SOX5: variants seen among roughly 807,000 people sequenced by gnomAD.
SOX5 encodes the protein transcription factor SOX-5.
Under a neutral mutation model 92.0 loss-of-function variants are expected in SOX5, and 9 were observed. The ratio of observed to expected loss-of-function variants is 0.10; its 90% CI spans 0.06 to 0.17. The LOEUF is 0.17. SOX5 is among the 10% of genes least tolerant of loss of function. The probability of loss-of-function intolerance (pLI) is 1.00; values close to 1 mark genes in which losing one functional copy is unlikely to be tolerated. For missense variants in SOX5, 642 were observed against 944.5 expected (o/e 0.68, Z 4.20); for synonymous variants, 344 against 336.3 (o/e 1.02, Z -0.25).
chr12:24,459,015 T>G (rs1943330400), intron 1 of SOX5, among the ~76,000 whole-genome samples: 3 of 152,106 alleles, frequency 2.0e-5, no homozygotes, highest in South Asian at 4.2e-4. Context: ...TGGTATCAAT[T>G]CTCAAAGGAC....
intron 2 of SOX5, among the ~76,000 whole-genome samples, chr12:24,322,600 T>C (rs1417067744): frequency 6.6e-6 from 1 of 152,146 alleles, no homozygotes; most frequent in Non-Finnish European, 1.5e-5. Flanking sequence ...GTTATGTTGG[T>C]GTCTCAGTGA....
chr12:23,816,553 C>G (rs1489477428), intron 3 of SOX5, among the ~76,000 whole-genome samples: 1 of 151,988 alleles, frequency 6.6e-6, no homozygotes, highest in Non-Finnish European at 1.5e-5. Flanking sequence ...CAGAAAATTC[C>G]TGGTAGAGGG....
intron 4 of SOX5, among the ~76,000 whole-genome samples, chr12:24,058,441 C>T (rs575678831): frequency 6.6e-6 from 1 of 152,154 alleles, no homozygotes; most frequent in African/African-American, 2.4e-5. Flanking sequence ...TCAATACATC[C>T]CCTCGTAGGT....
chr12:23,929,821 T>G (rs781382282), intron 1 of SOX5, among the ~76,000 whole-genome samples: 2 of 151,992 alleles, frequency 1.3e-5, no homozygotes, highest in Non-Finnish European at 2.9e-5. Context: ...GAAAATGTTA[T>G]ATTTAGAAAT....
intron 1 of SOX5, among the ~76,000 whole-genome samples, chr12:24,550,320 TAAG>T (rs1476128566): frequency 6.6e-6 from 1 of 152,208 alleles, no homozygotes; most frequent in Non-Finnish European, 1.5e-5. Context: ...CTTCATGTCA[TAAG>T]AAGATAGCCA....
chr12:23,736,228 G>A (rs2093588004), intron 5 of SOX5, among the ~76,000 whole-genome samples: 1 of 152,052 alleles, frequency 6.6e-6, no homozygotes, highest in Non-Finnish European at 1.5e-5. Flanking sequence ...TCGGGAGGCT[G>A]AGGTGGGTGG....
At chr12:24,256,557 C>A in intron 3 of SOX5, among the ~76,000 whole-genome samples, 1 of 141,498 alleles carries the variant, frequency 7.1e-6, no homozygotes, top group East Asian at 2.1e-4. Flanking sequence ...AACTGTAGCT[C>A]TTTTCTATTA....
chr12:23,606,827 T>A (rs1566264937), intron 8 of SOX5, among the ~76,000 whole-genome samples: 1 of 152,134 alleles, frequency 6.6e-6, no homozygotes, highest in Non-Finnish European at 1.5e-5. Context: ...GTATCTGAGT[T>A]AAATTGTCCT....
intron 1 of SOX5, among the ~76,000 whole-genome samples, chr12:24,437,144 G>A (rs1384553446): frequency 6.6e-6 from 1 of 151,482 alleles, no homozygotes; most frequent in Non-Finnish European, 1.5e-5. Flanking sequence ...CACCTATTCT[G>A]CAACCTGCAG....
At chr12:23,772,700 T>C (rs2094972535) in intron 3 of SOX5, among the ~76,000 whole-genome samples, 1 of 152,222 alleles carries the variant, frequency 6.6e-6, no homozygotes, top group Non-Finnish European at 1.5e-5. Context: ...TGACATCTGG[T>C]TTACTCATCC....
At chr12:24,439,756 A>C (rs1051470585) in intron 1 of SOX5, among the ~76,000 whole-genome samples, 1 of 152,046 alleles carries the variant, frequency 6.6e-6, no homozygotes, top group Non-Finnish European at 1.5e-5. Flanking sequence ...TTGGTCGGGC[A>C]TGGTGGCGGG....
At chr12:24,076,493 T>A (rs1425833698) in intron 4 of SOX5, among the ~76,000 whole-genome samples, 1 of 152,156 alleles carries the variant, frequency 6.6e-6, no homozygotes, top group Non-Finnish European at 1.5e-5. Flanking sequence ...AACAGCACAA[T>A]CCAGCATTCT....
intron 2 of SOX5, among the ~76,000 whole-genome samples, chr12:24,311,635 T>C (rs186799475): frequency 6.6e-6 from 1 of 152,326 alleles, no homozygotes; most frequent in Non-Finnish European, 1.5e-5. Context: ...TTTATGTAAA[T>C]TGATGGGAAT....
chr12:24,506,891 CACCATTCTCCTGCCTCA>C (rs1566338674), intron 1 of SOX5, among the ~76,000 whole-genome samples: 6 of 144,122 alleles, frequency 4.2e-5, no homozygotes, highest in Non-Finnish European at 8.9e-5. Context: ...CCCGGGTTCA[CACCATTCTCCTGCCTCA>C]GCCTCCCAAG....
chr12:24,429,816 A>T (rs1371413788), intron 1 of SOX5, among the ~76,000 whole-genome samples: 2 of 152,230 alleles, frequency 1.3e-5, no homozygotes, highest in African/African-American at 4.8e-5. Flanking sequence ...CAAATGAAAA[A>T]ATTAAAGGAT....
intron 1 of SOX5, among the ~76,000 whole-genome samples, chr12:24,506,567 C>T: frequency 6.6e-6 from 1 of 151,922 alleles, no homozygotes; most frequent in East Asian, 1.9e-4. Context: ...TTCAATACAA[C>T]GTGAGACTGA....
At chr12:23,960,540 T>TATACATATATATTTATATAC in intron 4 of SOX5, among the ~76,000 whole-genome samples, 2 of 146,696 alleles carry the variant, frequency 1.4e-5, no homozygotes, top group South Asian at 2.1e-4. Flanking sequence ...CATATATATA[T>TATACATATATATTTATATAC]ATATATGAAG....
intron 6 of SOX5, among the ~76,000 whole-genome samples, chr12:23,687,247 G>A (rs2087764407): frequency 6.6e-6 from 1 of 151,884 alleles, no homozygotes; most frequent in South Asian, 2.1e-4. Flanking sequence ...TGAACATAAA[G>A]CAAAATAATT....
intron 2 of SOX5, among the ~76,000 whole-genome samples, chr12:23,862,091 TTAAGA>T (rs1297151285): frequency 1.3e-5 from 2 of 152,194 alleles, no homozygotes; most frequent in Non-Finnish European, 2.9e-5. Flanking sequence ...TTGTCTTTAG[TTAAGA>T]TGTTTCCATT....
Sources: gnomAD v4.1 joint callset for allele counts (sites outside exome capture counted in the v4.1 genomes callset) on GRCh38, gnomAD v4.1.1 for gene constraint, MANE v1.5 for transcripts, NCBI Gene and HGNC (gene_info 2026-07-23, HGNC 2026-07-21) for gene names.